The following TENM2 variants were observed in gnomAD, a reference collection of about 807,000 sequenced individuals.
TENM2 encodes the protein teneurin-2.
TENM2 carries 52 observed loss-of-function variants against 245.2 expected under a neutral mutation model. The ratio of observed to expected loss-of-function variants is 0.21; its 90% CI spans 0.17 to 0.27. The LOEUF (loss-of-function observed/expected upper bound fraction) is 0.27. Among genes scored for constraint, TENM2 ranks in the 10% least tolerant of loss-of-function variants. The probability of loss-of-function intolerance (pLI) is 1.00; values close to 1 mark genes in which losing one functional copy is unlikely to be tolerated. For missense variants in TENM2, 3,046 were observed against 3,666.8 expected (o/e 0.83, Z 4.37); for synonymous variants, 1,363 against 1,438.9 (o/e 0.95, Z 1.19).
chr5:167,365,292 ATAT>A lies in TENM2; in HGVS notation c.227-9902_227-9900del, dbSNP rs576672378. On this transcript the variant is annotated intron_variant, in intron 1 of 28. Coordinates refer to ENST00000518659, the Ensembl canonical transcript of TENM2. The stretch of plus-strand genomic sequence containing the variant: ...TTTGGGGGTACAGATAAAGAGGAAA[ATAT>A]TATAGGTTTGCAAATTTACTTAAGA... Among the ~76,000 whole-genome samples the A allele has an allele frequency of 2.7e-3, 414 of 152,130 alleles. 1 individual carries two copies. Among genetic ancestry groups the A allele is most frequent in the Non-Finnish European group, 3.8e-3 (260 of 67,882 alleles).
At chr5:167,815,000 G>GT (rs900653440) in intron 2 of TENM2, among the ~76,000 whole-genome samples, 1 of 152,248 alleles carries the variant, frequency 6.6e-6, no homozygotes, top group Admixed American at 6.5e-5. Context: ...GTGGGGATGA[G>GT]TGTGAATCTA....
At chr5:167,755,269 C>A in intron 2 of TENM2, 2 of 1,116,666 alleles carry the variant, frequency 1.8e-6, no homozygotes, top group Non-Finnish European at 1.3e-6. Context: ...GGAGTATTTA[C>A]TTTAACCCTT....
At chr5:167,085,155 G>A in the TENM2 span, among the ~76,000 whole-genome samples, 1 of 152,190 alleles carries the variant, frequency 6.6e-6, no homozygotes, top group South Asian at 2.1e-4. Flanking sequence ...AATATGCTCT[G>A]AAGAGGGGGC....
At chr5:167,453,625 C>G (rs1314151807) in intron 2 of TENM2, among the ~76,000 whole-genome samples, 1 of 152,108 alleles carries the variant, frequency 6.6e-6, no homozygotes, top group Non-Finnish European at 1.5e-5. Context: ...TTTCTTTTAC[C>G]TCTTTTGTCC....
At chr5:167,532,624 C>T (rs149733701) in intron 2 of TENM2, among the ~76,000 whole-genome samples, 1 of 152,044 alleles carries the variant, frequency 6.6e-6, no homozygotes, top group Non-Finnish European at 1.5e-5. Context: ...CCAAGTTCTT[C>T]CCACAGCCTG....
intron 7 of TENM2, among the ~76,000 whole-genome samples, chr5:168,063,354 G>T (rs907832189): frequency 1.3e-5 from 2 of 152,076 alleles, no homozygotes; most frequent in Non-Finnish European, 2.9e-5. Context: ...CCCTTAGTTT[G>T]TCGTGGTGGA....
intron 2 of TENM2, among the ~76,000 whole-genome samples, chr5:167,408,118 C>A (rs1432577758): frequency 3.3e-5 from 5 of 152,028 alleles, no homozygotes. Flanking sequence ...TATATCAAAT[C>A]TAGCAAATTG....
the TENM2 span, among the ~76,000 whole-genome samples, chr5:167,159,529 T>C: frequency 2.0e-5 from 3 of 152,106 alleles, no homozygotes; most frequent in South Asian, 4.1e-4. Flanking sequence ...ATTAGCTAGA[T>C]TTAAGCATTT....
intron 2 of TENM2, among the ~76,000 whole-genome samples, chr5:167,798,201 G>C (rs1765456841): frequency 6.6e-6 from 1 of 152,188 alleles, no homozygotes; most frequent in African/African-American, 2.4e-5. Context: ...CCAGAGTCTT[G>C]ACACCCCTAC....
the TENM2 span, among the ~76,000 whole-genome samples, chr5:167,276,791 G>T: frequency 6.6e-6 from 1 of 151,922 alleles, no homozygotes; most frequent in Admixed American, 6.6e-5. Flanking sequence ...ATTTTTATTT[G>T]TATGATTTTT....
intron 7 of TENM2, among the ~76,000 whole-genome samples, chr5:168,066,748 G>T (rs930065534): frequency 9.9e-5 from 15 of 152,144 alleles, no homozygotes; most frequent in Non-Finnish European, 1.0e-4. Flanking sequence ...AAATTCTTAT[G>T]GGGATGGTAT....
At chr5:167,449,373 A>G (rs1765422241) in intron 2 of TENM2, among the ~76,000 whole-genome samples, 2 of 152,100 alleles carry the variant, frequency 1.3e-5, no homozygotes, top group African/African-American at 4.8e-5. Flanking sequence ...GGTGGGTGGG[A>G]TGCTTCCAGG....
At chr5:167,991,389 G>C (rs1265143704) in intron 4 of TENM2, among the ~76,000 whole-genome samples, 3 of 152,146 alleles carry the variant, frequency 2.0e-5, no homozygotes, top group Admixed American at 6.6e-5. Context: ...ATAAGACATA[G>C]TCCATGGCCT....
intron 7 of TENM2, among the ~76,000 whole-genome samples, chr5:168,079,961 G>A (rs1791834190): frequency 6.6e-6 from 1 of 152,186 alleles, no homozygotes; most frequent in South Asian, 2.1e-4. Context: ...AGTTAGGGAG[G>A]ATTCCCTCTT....
intron 1 of TENM2, among the ~76,000 whole-genome samples, chr5:167,304,784 G>C (rs1755568947): frequency 6.6e-6 from 1 of 151,978 alleles, no homozygotes. Context: ...TTGAGTACAT[G>C]GGAGTTTTCT....
chr5:167,806,862 A>G (rs1766215870), intron 2 of TENM2, among the ~76,000 whole-genome samples: 1 of 152,024 alleles, frequency 6.6e-6, no homozygotes, highest in African/African-American at 2.4e-5. Flanking sequence ...GTCCTCTCCC[A>G]GTGTAATCAT....
the TENM2 span, among the ~76,000 whole-genome samples, chr5:167,107,777 A>G: frequency 6.6e-6 from 1 of 152,224 alleles, no homozygotes; most frequent in Non-Finnish European, 1.5e-5. Flanking sequence ...TAATTTGTCC[A>G]ATGTCAAGGA....
At chr5:168,013,125 C>T (rs1054826818) in intron 5 of TENM2, among the ~76,000 whole-genome samples, 3 of 152,142 alleles carry the variant, frequency 2.0e-5, no homozygotes, top group African/African-American at 7.2e-5. Flanking sequence ...CACACACATA[C>T]ACATCCCAGC....
the TENM2 span, among the ~76,000 whole-genome samples, chr5:167,153,235 G>A: frequency 6.6e-6 from 1 of 151,908 alleles, no homozygotes; most frequent in East Asian, 1.9e-4. Context: ...CTCATTGCCT[G>A]TTGTGAACCA....
Sources: allele counts gnomAD v4.1 joint callset (sites outside exome capture counted in the v4.1 genomes callset), GRCh38; gene constraint gnomAD v4.1.1; transcripts MANE v1.5; gene names NCBI Gene and HGNC (gene_info 2026-07-23, HGNC 2026-07-21).